LRRC1: variants seen among roughly 807,000 people sequenced by gnomAD.
The protein encoded by LRRC1 is leucine-rich repeat-containing protein 1.
LRRC1 carries 28 observed loss-of-function variants against 69.9 expected under a neutral mutation model. The ratio of observed to expected loss-of-function variants is 0.40; its 90% confidence interval spans 0.30 to 0.55. LRRC1 has a LOEUF of 0.55. Ranked by LOEUF, LRRC1 falls within the 20% of genes least tolerant of loss-of-function variation. The pLI is 0.47. For missense variants in LRRC1, 498 were observed against 609.0 expected (o/e 0.82, Z 1.92); for synonymous variants, 236 against 240.2 (o/e 0.98, Z 0.16).
At chr6:53,918,770 A>T (rs977973412) in intron 11 of LRRC1, among the ~76,000 whole-genome samples, 7 of 152,218 alleles carry the variant, frequency 4.6e-5, no homozygotes, top group African/African-American at 1.7e-4. Context: ...CATAAATATA[A>T]AACTAATATT....
intron 1 of LRRC1, among the ~76,000 whole-genome samples, chr6:53,810,734 A>C (rs1212083373): frequency 6.6e-6 from 1 of 152,254 alleles, no homozygotes; most frequent in Non-Finnish European, 1.5e-5. Context: ...TAAAAATTAA[A>C]GTGATCAATA....
chr6:53,819,717 A>T (rs1377593125), intron 1 of LRRC1, among the ~76,000 whole-genome samples: 1 of 152,012 alleles, frequency 6.6e-6, no homozygotes, highest in East Asian at 1.9e-4. Flanking sequence ...TCAGTTAAAT[A>T]TTTTTTCTAG....
At chr6:53,918,631 T>C (rs1768644190) in intron 11 of LRRC1, among the ~76,000 whole-genome samples, 1 of 152,204 alleles carries the variant, frequency 6.6e-6, no homozygotes, top group Non-Finnish European at 1.5e-5. Flanking sequence ...CACTATTACT[T>C]TTGGTAAGAT....
rs183735825 is a variant in LRRC1 at position 53,853,395 on chromosome 6, C to T, written c.277+11168C>T. 2.0e-3 allele frequency among the ~76,000 whole-genome samples: 309 copies of T among 151,644 alleles called. 1 individual carries two copies. The highest frequency in any genetic ancestry group is 6.8e-3 in the African/African-American group (282 of 41,276). ...TGCCTCCCAGGTTCAAGTGATTCTC[C>T]TGCCTCAGCCTCCTGAATAGCTGGG... is the stretch of plus-strand genomic sequence containing the variant. On this transcript the variant is annotated intron_variant, in intron 2 of 13. Coordinates refer to ENST00000370888, the MANE Select transcript of LRRC1 (RefSeq NM_018214.5).
At chr6:53,918,646 A>T (rs1185148526) in intron 11 of LRRC1, among the ~76,000 whole-genome samples, 1 of 152,212 alleles carries the variant, frequency 6.6e-6, no homozygotes, top group Non-Finnish European at 1.5e-5. Context: ...TAAGATGTAT[A>T]AGTAGATTTC....
At chr6:53,908,000 A>T (rs1027446593) in intron 10 of LRRC1, among the ~76,000 whole-genome samples, 1 of 152,056 alleles carries the variant, frequency 6.6e-6, no homozygotes, top group African/African-American at 2.4e-5. Flanking sequence ...CAAGTCACTT[A>T]TTTGTGTCTT....
intron 2 of LRRC1, among the ~76,000 whole-genome samples, chr6:53,845,933 C>T (rs780840539): frequency 6.6e-6 from 1 of 152,176 alleles, no homozygotes; most frequent in Non-Finnish European, 1.5e-5. Context: ...TCCCCTCAGG[C>T]ACCCCTGCAC....
intron 2 of LRRC1, among the ~76,000 whole-genome samples, chr6:53,863,206 A>G (rs1313751257): frequency 6.6e-6 from 1 of 152,212 alleles, no homozygotes; most frequent in Non-Finnish European, 1.5e-5. Context: ...TGGTTTTCAT[A>G]CATAATAGGA....
intron 1 of LRRC1, among the ~76,000 whole-genome samples, chr6:53,815,011 C>T (rs769142574): frequency 6.6e-6 from 1 of 151,660 alleles, no homozygotes; most frequent in African/African-American, 2.4e-5. Context: ...TGGCTGGTCA[C>T]TTGTTGCGGG....
chr6:53,892,913 G>C (rs978124154), intron 4 of LRRC1, among the ~76,000 whole-genome samples: 7 of 152,126 alleles, frequency 4.6e-5, no homozygotes, highest in African/African-American at 1.7e-4. Context: ...GTGAGGTTTG[G>C]GCTCATACAG....
intron 1 of LRRC1, among the ~76,000 whole-genome samples, chr6:53,807,194 G>A (rs1260615635): frequency 6.6e-6 from 1 of 152,194 alleles, no homozygotes; most frequent in Non-Finnish European, 1.5e-5. Context: ...CTGATGGGAT[G>A]TTGGTGTCAG....
intron 4 of LRRC1, among the ~76,000 whole-genome samples, chr6:53,891,990 T>TA (rs11355552): frequency 0.047 from 3,945 of 84,328 alleles, 75 homozygotes; most frequent in South Asian, 0.071. Flanking sequence ...AGATTCTGTC[T>TA]AAAAAAAAAA....
chr6:53,884,858 A>G (rs1338261930), intron 4 of LRRC1, among the ~76,000 whole-genome samples: 2 of 152,146 alleles, frequency 1.3e-5, no homozygotes, highest in Non-Finnish European at 2.9e-5. Flanking sequence ...TTTTCTGTTA[A>G]TATCTGTACC....
At chr6:53,869,930 C>T (rs1766827859) in intron 2 of LRRC1, among the ~76,000 whole-genome samples, 1 of 152,222 alleles carries the variant, frequency 6.6e-6, no homozygotes, top group Non-Finnish European at 1.5e-5. Flanking sequence ...TTAACCCACA[C>T]TATTGCCTTT....
intron 1 of LRRC1, among the ~76,000 whole-genome samples, chr6:53,822,233 A>C (rs931931200): frequency 1.3e-5 from 2 of 152,184 alleles, no homozygotes; most frequent in African/African-American, 2.4e-5. Context: ...GCAATAGTGA[A>C]GGCTCAGATG....
chr6:53,847,254 T>C (rs1765978444), intron 2 of LRRC1, among the ~76,000 whole-genome samples: 1 of 152,234 alleles, frequency 6.6e-6, no homozygotes, highest in African/African-American at 2.4e-5. Context: ...GTGTTAGTGA[T>C]TTAAAACAAT....
intron 1 of LRRC1, among the ~76,000 whole-genome samples, chr6:53,807,804 T>C (rs543579397): frequency 6.6e-6 from 1 of 152,176 alleles, no homozygotes; most frequent in African/African-American, 2.4e-5. Flanking sequence ...AAGGAAGTAC[T>C]GTAGAGAGTG....
chr6:53,838,303 A>G (rs1455580067), intron 1 of LRRC1, among the ~76,000 whole-genome samples: 1 of 152,222 alleles, frequency 6.6e-6, no homozygotes, highest in African/African-American at 2.4e-5. Flanking sequence ...CCCAAGTTGA[A>G]TAAAGTAGTA....
rs867318109 is a variant in LRRC1, at chr6:53,818,635, A to G, written c.159+23220A>G. Among the ~76,000 whole-genome samples, 51 of 152,304 alleles carry G rather than the reference A, an allele frequency of 3.3e-4. 1 individual carries two copies. Among genetic ancestry groups the G allele is most frequent in the African/African-American group, 1.1e-3 (47 of 41,574 alleles). The stretch of plus-strand genomic sequence containing the variant: ...AATGCTAAACTCTGTATGTGACTGG[A>G]TGTTTATGTATAATGGTATGAGCAT... On this transcript the variant is annotated intron_variant, in intron 1 of 13. Coordinates refer to ENST00000370888, the MANE Select transcript of LRRC1 (RefSeq NM_018214.5).
Sources: gnomAD v4.1 joint callset for allele counts (sites outside exome capture counted in the v4.1 genomes callset) on GRCh38, gnomAD v4.1.1 for gene constraint, MANE v1.5 for transcripts, NCBI Gene and HGNC (gene_info 2026-07-23, HGNC 2026-07-21) for gene names.